TBC1D8B: variants seen among roughly 807,000 people sequenced by gnomAD.
The protein encoded by TBC1D8B is TBC1 domain family member 8B.
In TBC1D8B, 75 loss-of-function variants were observed where a neutral mutation model predicts 82.9. The observed-to-expected ratio is 0.90, with a 90% CI of 0.75 to 1.10. The LOEUF is 1.10. Ranked by LOEUF, TBC1D8B falls within the 50% of genes least tolerant of loss-of-function variation. The pLI is 0.00. For missense variants in TBC1D8B, 794 were observed against 796.9 expected, an observed-to-expected ratio of 1.00 and a Z score of 0.04; for synonymous variants, 276 against 276.8, an observed-to-expected ratio of 1.00 and a Z score of 0.03.
At chrX:106,836,658 GAT>G (rs1932183962) in intron 7 of TBC1D8B, among the ~76,000 whole-genome samples, 1 of 110,037 alleles carries the variant, frequency 9.1e-6, no homozygotes, top group Non-Finnish European at 1.9e-5. Context: ...CTGGGTAACT[GAT>G]ATGTTTTAAG....
chrX:106,832,591 A>G (rs1196841516), intron 7 of TBC1D8B, among the ~76,000 whole-genome samples: 2 of 111,285 alleles, frequency 1.8e-5, no homozygotes, highest in Non-Finnish European at 3.8e-5. Context: ...TGTAGAAACT[A>G]TGGAATGTCA....
chrX:106,851,785 G>A (rs1329374685), intron 12 of TBC1D8B, among the ~76,000 whole-genome samples: 1 of 112,183 alleles, frequency 8.9e-6, no homozygotes, highest in Non-Finnish European at 1.9e-5. Flanking sequence ...TGGTGTACAT[G>A]TGCCACATTT....
intron 7 of TBC1D8B, among the ~76,000 whole-genome samples, chrX:106,835,969 C>T: frequency 8.9e-6 from 1 of 112,098 alleles, no homozygotes; most frequent in Non-Finnish European, 1.9e-5. Context: ...CAAACTGTTC[C>T]AACCTCTGCC....
intron 1 of TBC1D8B, among the ~76,000 whole-genome samples, chrX:106,810,790 G>A (rs1376362124): frequency 9.0e-6 from 1 of 111,473 alleles, no homozygotes; most frequent in Non-Finnish European, 1.9e-5. Flanking sequence ...TCCCTCCCTG[G>A]AACATCTTGG....
intron 6 of TBC1D8B, among the ~76,000 whole-genome samples, chrX:106,826,542 G>A (rs969935986): frequency 1.3e-4 from 14 of 105,406 alleles, no homozygotes; most frequent in African/African-American, 4.5e-4. Flanking sequence ...CACAACATTA[G>A]GTATATCTCC....
chrX:106,842,018 T>C (rs1932318955), intron 10 of TBC1D8B, among the ~76,000 whole-genome samples: 1 of 111,206 alleles, frequency 9.0e-6, no homozygotes, highest in Non-Finnish European at 1.9e-5. Flanking sequence ...GAAGAGGAGA[T>C]TGGAATGTCA....
chrX:106,852,667 T>C (rs1215775850), intron 12 of TBC1D8B, among the ~76,000 whole-genome samples: 54 of 109,230 alleles, frequency 4.9e-4, no homozygotes, highest in South Asian at 1.2e-3. Context: ...ATTTATTAAA[T>C]AGGGAATCCT....
chrX:106,844,733 T>A (rs1182590297), intron 10 of TBC1D8B, among the ~76,000 whole-genome samples: 1 of 109,767 alleles, frequency 9.1e-6, no homozygotes, highest in East Asian at 2.8e-4. Context: ...ACTTTGGGTG[T>A]CTAGGTTTCT....
intron 14 of TBC1D8B, among the ~76,000 whole-genome samples, chrX:106,860,143 T>G (rs1024372519): frequency 1.8e-5 from 2 of 111,482 alleles, no homozygotes; most frequent in African/African-American, 6.5e-5. Context: ...GATATTGGCC[T>G]GAAGTTTTCT....
At chrX:106,839,494 C>T (rs376964345) in intron 8 of TBC1D8B, 37 bp downstream of exon 8, 10 of 1,087,001 alleles carry the variant, frequency 9.2e-6, no homozygotes, top group Non-Finnish European at 1.2e-5. Flanking sequence ...TGGGCTGAAA[C>T]ATTTGGTGAA....
At chrX:106,868,597 A>G (rs1932828594) in intron 18 of TBC1D8B, 121 bp downstream of exon 18, 1 of 362,763 alleles carries the variant, frequency 2.8e-6, no homozygotes, top group Non-Finnish European at 4.4e-6. Context: ...CTTCTTTTGT[A>G]TTACCACAGC....
chrX:106,827,423 C>T, intron 7 of TBC1D8B, 86 bp downstream of exon 7: 1 of 1,039,130 alleles, frequency 9.6e-7, no homozygotes, highest in Non-Finnish European at 1.3e-6. Context: ...TTCATAGTAC[C>T]TTTCCTATTT....
intron 5 of TBC1D8B, among the ~76,000 whole-genome samples, chrX:106,825,567 C>G (rs775144342): frequency 9.0e-6 from 1 of 111,126 alleles, no homozygotes; most frequent in South Asian, 3.7e-4. Flanking sequence ...TTAATATCGT[C>G]TTTAATAGAC....
rs1388449010 is a variant in TBC1D8B, at chrX:106,820,898, C to T, written c.263C>T (p.Thr88Ile). 1 of 1,182,648 alleles carries T rather than the reference C, an allele frequency of 8.5e-7. No individual in the cohort carries two copies. Among genetic ancestry groups the T allele is most frequent in the African/African-American group, 1.8e-5 (1 of 55,825 alleles). ...TCAGGAGCCAACAGAGAAGAAATAA[C>T]CAAGCATTGGGATTGGTTGGAACAA... ...IACGANREEI[T>I]KHWDWLEQNI... The change falls in exon 3 of 21, where the codon ACC becomes ATC. Residue 88 changes from threonine to isoleucine, a missense_variant. Thr to Ile is a moderately conservative substitution (Grantham distance 89). Transcript: ENST00000357242.
At position 106,820,990 on chromosome X, in the gene TBC1D8B, A is replaced by G; in HGVS notation, c.355A>G (p.Ile119Val). 9.0e-7 allele frequency: 1 copy of G among 1,111,888 alleles called. No individual in the cohort carries two copies. Among genetic ancestry groups the G allele is most frequent in the Non-Finnish European group, 1.2e-6 (1 of 820,708 alleles). 91.6% of individuals were successfully genotyped at this position (1,111,888 alleles called of 1,213,427 possible). Reference protein sequence around the residue: ...EDITNFVQGKIRGLIAEEGKH... With the variant: ...EDITNFVQGKVRGLIAEEGKH... ...TATTACTAATTTTGTACAAGGAAAAATAAGAGTAAGTGGCACGGATATATC... is the reference window on the plus strand; with the variant it reads ...TATTACTAATTTTGTACAAGGAAAAGTAAGAGTAAGTGGCACGGATATATC... Residue 119 changes from isoleucine to valine, a missense_variant, in exon 3 of 21, where the codon ATA becomes GTA. Transcript: ENST00000357242.
intron 11 of TBC1D8B, chrX:106,849,154 G>A (rs920025085): frequency 6.0e-5 from 50 of 830,777 alleles, no homozygotes; most frequent in South Asian, 1.8e-4. Flanking sequence ...TCTTTGTACC[G>A]TAATAGGCTT....
chrX:106,861,848 C>T (rs1003236032), intron 14 of TBC1D8B, among the ~76,000 whole-genome samples: 10 of 111,791 alleles, frequency 8.9e-5, no homozygotes, highest in Admixed American at 2.9e-4. Flanking sequence ...AGTCTATGTA[C>T]TTAAGTGTGT....
rs752418363 is a variant in TBC1D8B, at chrX:106,815,246, G to T, written c.131-3417G>T. The T allele has an allele frequency of 3.6e-5, 4 of 112,065 alleles. No homozygotes were observed. The East Asian group carries it at 1.1e-3, about 31-fold the overall frequency. The allele number at this position is 112,065 out of a possible 1,213,427, so 9.2% of individuals were successfully genotyped here. A position where few individuals can be genotyped will look rare whatever the true frequency, so the allele number is the denominator to read the frequency against. On this transcript the variant is annotated intron_variant, in intron 1 of 20. Coordinates refer to ENST00000357242, the MANE Select transcript of TBC1D8B (RefSeq NM_017752.3). The stretch of plus-strand genomic sequence containing the variant: ...GTATAAGGTGTAAGGAAGGGATCCA[G>T]TTTCAGCTTTTTACATATGGCTAGC...
At position 106,870,771 on chromosome X, in the gene TBC1D8B, C is replaced by T; in HGVS notation, c.2925C>T (p.Phe975=). The T allele has an allele frequency of 8.3e-7, 1 of 1,201,847 alleles. No homozygotes were observed. Residue 975 remains phenylalanine (F), a synonymous_variant, in exon 20 of 21, where the codon TTC becomes TTT. Coordinates refer to ENST00000357242, the MANE Select transcript of TBC1D8B (RefSeq NM_017752.3). Reference sequence around the variant, plus strand: ...TAAGTCAATGGCAAGATGAGCTTTTCAAAAAAGAAGAAAACATTAAGGATT... The same window carrying T: ...TAAGTCAATGGCAAGATGAGCTTTTTAAAAAAGAAGAAAACATTAAGGATT... ...AYLSQWQDEL[F]KKEENIKDLP...
Sources: allele counts gnomAD v4.1 joint callset (sites outside exome capture counted in the v4.1 genomes callset), GRCh38; gene constraint gnomAD v4.1.1; transcripts MANE v1.5; gene names NCBI Gene and HGNC (gene_info 2026-07-23, HGNC 2026-07-21).